RXFP2: variants seen among roughly 807,000 people sequenced by gnomAD.
The protein encoded by RXFP2 is relaxin family peptide receptor 2.
RXFP2 carries 68 observed loss-of-function variants against 88.6 expected under a neutral mutation model. The ratio of observed to expected loss-of-function variants is 0.77; its 90% CI spans 0.63 to 0.94. RXFP2 has a LOEUF of 0.94. Among genes scored for constraint, RXFP2 ranks in the 40% least tolerant of loss-of-function variants. The pLI is 0.00. For missense variants in RXFP2, 791 were observed against 893.9 expected (o/e 0.88, Z 1.47); for synonymous variants, 329 against 306.8 (o/e 1.07, Z -0.76).
chr13:31,745,755 G>C (rs778345472), intron 1 of RXFP2, among the ~76,000 whole-genome samples: 2 of 152,198 alleles, frequency 1.3e-5, no homozygotes, highest in Non-Finnish European at 2.9e-5. Flanking sequence ...GGAAGAGTAT[G>C]ATGTGAGAGC....
chr13:31,774,807 A>C, intron 6 of RXFP2, 116 bp downstream of exon 6: 1 of 722,038 alleles, frequency 1.4e-6, no homozygotes, highest in Non-Finnish European at 2.5e-6. Context: ...ATAGGTTATC[A>C]CAAAGTACTT....
chr13:31,802,357 T>A lies in RXFP2; in HGVS notation c.2217T>A (p.Val739=), dbSNP rs764623868. 4.3e-6 allele frequency: 7 copies of A among 1,614,132 alleles called. No homozygotes were observed. The highest frequency in any genetic ancestry group is 5.9e-6 in the Non-Finnish European group (7 of 1,179,996). Residue 739 remains valine (V), a synonymous_variant, in exon 18 of 18, where the codon GTT becomes GTA. Coordinates refer to ENST00000298386, the MANE Select transcript of RXFP2 (RefSeq NM_130806.5). ...IEDSSSLKLG[V]LNKITLGDSI... ...ACTCCTCTTCCCTGAAACTTGGGGT[T>A]TTGAACAAAATAACACTTGGAGACA...
At chr13:31,769,391 G>T (rs1041603424) in intron 5 of RXFP2, among the ~76,000 whole-genome samples, 1 of 151,894 alleles carries the variant, frequency 6.6e-6, no homozygotes, top group African/African-American at 2.4e-5. Flanking sequence ...ACGTCTACAG[G>T]TATTTAAGAC....
chr13:31,792,084 G>A, intron 15 of RXFP2, 49 bp downstream of exon 15: 1 of 1,306,244 alleles, frequency 7.7e-7, no homozygotes, highest in Non-Finnish European at 1.1e-6. Flanking sequence ...TCTGTGAGTT[G>A]TGCACTAGAC....
chr13:31,774,339 G>T (rs1056961973), intron 5 of RXFP2, among the ~76,000 whole-genome samples: 1 of 152,174 alleles, frequency 6.6e-6, no homozygotes, highest in Non-Finnish European at 1.5e-5. Context: ...TCACCATAGT[G>T]CCAGTTTGCA....
At chr13:31,794,915 C>CA (rs1476389737) in intron 16 of RXFP2, among the ~76,000 whole-genome samples, 1 of 152,064 alleles carries the variant, frequency 6.6e-6, no homozygotes, top group African/African-American at 2.4e-5. Context: ...CACACACTCA[C>CA]AAAATCATCA....
At chr13:31,769,574 T>A (rs1244732072) in intron 5 of RXFP2, among the ~76,000 whole-genome samples, 1 of 151,506 alleles carries the variant, frequency 6.6e-6, no homozygotes, top group Admixed American at 6.6e-5. Context: ...AAATATACTA[T>A]TATCACCGTA....
In RXFP2 at chr13:31,791,850, G is replaced by T; in HGVS notation, c.1190G>T (p.Arg397Leu). Residue 397 changes from arginine to leucine, a missense_variant, in exon 15 of 18, where the codon CGA becomes CTA. Physicochemically the swap from Arg to Leu is moderately radical, Grantham distance 102. Coordinates refer to ENST00000298386, the MANE Select transcript of RXFP2 (RefSeq NM_130806.5). ...TACTGCTCCTATGCTCCCCATGTCCGAATATGTATGCCCTTGACGGACGGC... is the reference window on the plus strand; with the variant it reads ...TACTGCTCCTATGCTCCCCATGTCCTAATATGTATGCCCTTGACGGACGGC... Reference protein sequence around the residue: ...FRYCSYAPHVRICMPLTDGIS... With the variant: ...FRYCSYAPHVLICMPLTDGIS... The T allele has an allele frequency of 6.2e-7, 1 of 1,614,084 alleles. No individual in the cohort carries two copies. Among genetic ancestry groups the T allele is most frequent in the Non-Finnish European group, 8.5e-7 (1 of 1,179,978 alleles).
chr13:31,754,360 A>G (rs1871826656), intron 1 of RXFP2, among the ~76,000 whole-genome samples: 1 of 152,136 alleles, frequency 6.6e-6, no homozygotes. Flanking sequence ...GTGAAACCCC[A>G]TCTCTACTAA....
chr13:31,783,154 ATGC>A (rs1873366796), intron 11 of RXFP2, among the ~76,000 whole-genome samples: 1 of 152,232 alleles, frequency 6.6e-6, no homozygotes, highest in South Asian at 2.1e-4. Context: ...AGGAACAAAT[ATGC>A]TTACTAGTCC....
chr13:31,780,571 T>A (rs183138565), intron 9 of RXFP2, among the ~76,000 whole-genome samples: 1 of 152,208 alleles, frequency 6.6e-6, no homozygotes, highest in Non-Finnish European at 1.5e-5. Context: ...GTGATTTTAG[T>A]GTGACTATGA....
chr13:31,747,639 T>C (rs1871481643), intron 1 of RXFP2, among the ~76,000 whole-genome samples: 2 of 152,212 alleles, frequency 1.3e-5, no homozygotes, highest in Admixed American at 6.5e-5. Flanking sequence ...AGGCATCTGC[T>C]ATATACTAAG....
rs748585567 is a variant in RXFP2, at chr13:31,774,754, G to C, written c.569+63G>C. 6.6e-6 allele frequency: 6 copies of C among 912,246 alleles called. No individual in the cohort carries two copies. The East Asian group carries it at 1.4e-4, about 22-fold the overall frequency. 56.5% of individuals were successfully genotyped at this position (912,246 alleles called of 1,614,324 possible). On this transcript the variant is annotated intron_variant, in intron 6 of 17. Coordinates refer to ENST00000298386, the MANE Select transcript of RXFP2 (RefSeq NM_130806.5). The stretch of plus-strand genomic sequence containing the variant: ...AAGCAAAGACTAAAAGGATAGAATG[G>C]TACTTTTTCAAGGCTCGACTTGATT...
chr13:31,794,414 A>G (rs1304372251), intron 16 of RXFP2, among the ~76,000 whole-genome samples: 3 of 149,074 alleles, frequency 2.0e-5, no homozygotes, highest in Admixed American at 6.7e-5. Context: ...ACACACCATG[A>G]CATGCATTGT....
intron 1 of RXFP2, among the ~76,000 whole-genome samples, chr13:31,740,729 A>G (rs1372148655): frequency 6.6e-6 from 1 of 152,042 alleles, no homozygotes; most frequent in East Asian, 1.9e-4. Flanking sequence ...CTTTACTACA[A>G]ATATTTAAAA....
intron 7 of RXFP2, among the ~76,000 whole-genome samples, chr13:31,776,080 C>CTAT (rs71099992): frequency 2.0e-5 from 2 of 98,736 alleles, no homozygotes; most frequent in African/African-American, 8.0e-5. Flanking sequence ...TTCTTTCTTT[C>CTAT]CTTCCTTCTT....
chr13:31,759,418 A>AAAG (rs1872175571), intron 2 of RXFP2, among the ~76,000 whole-genome samples: 4 of 150,788 alleles, frequency 2.7e-5, no homozygotes, highest in South Asian at 2.1e-4. Context: ...AGAAAGAAAG[A>AAAG]AAGAAAGAAA....
rs776535132 is a variant in RXFP2 at position 31,796,038 on chromosome 13, C to CTTTTT, written c.1787-1138_1787-1134dup. On this transcript the variant is annotated intron_variant, in intron 16 of 17. Coordinates refer to ENST00000298386, the MANE Select transcript of RXFP2 (RefSeq NM_130806.5). ...ATACATTTTTGTTCTATGTGTTATT[C>CTTTTT]TTTTTTTTTTTTTTTTTTTTTTTTT... 1.6e-3 allele frequency among the ~76,000 whole-genome samples: 59 copies of CTTTTT among 36,984 alleles called. 2 individuals carry two copies. Among genetic ancestry groups the CTTTTT allele is most frequent in the African/African-American group, 2.3e-3 (19 of 8,216 alleles). The allele number at this position is 36,984 out of a possible 152,430, so 24.3% of individuals were successfully genotyped here.
intron 17 of RXFP2, among the ~76,000 whole-genome samples, chr13:31,800,144 G>A (rs2038729): frequency 0.32 from 48,504 of 152,070 alleles, 8,787 homozygotes; most frequent in Admixed American, 0.42. Flanking sequence ...TTCCCATGGC[G>A]TTGTAAGAAA....
Sources: allele counts gnomAD v4.1 joint callset (sites outside exome capture counted in the v4.1 genomes callset), GRCh38; gene constraint gnomAD v4.1.1; transcripts MANE v1.5; gene names NCBI Gene and HGNC (gene_info 2026-07-23, HGNC 2026-07-21).